The following TTC7B variants were observed in gnomAD, a reference collection of about 807,000 sequenced individuals.
The protein encoded by TTC7B is tetratricopeptide repeat domain 7B, also known as tetratricopeptide repeat protein 7B.
A neutral mutation model predicts 106.8 loss-of-function variants in TTC7B; 28 were observed. That is an observed-to-expected ratio of 0.26 (90% confidence interval 0.19 to 0.36). The LOEUF is 0.36. TTC7B is among the 10% of genes least tolerant of loss of function. TTC7B has a pLI of 1.00. For missense variants in TTC7B, 862 were observed against 1,076.4 expected, an observed-to-expected ratio of 0.80 and a Z score of 2.79; for synonymous variants, 405 against 430.6, an observed-to-expected ratio of 0.94 and a Z score of 0.74.
At chr14:90,661,449 A>G (rs1173402689) in intron 9 of TTC7B, among the ~76,000 whole-genome samples, 1 of 152,118 alleles carries the variant, frequency 6.6e-6, no homozygotes, top group Admixed American at 6.5e-5. Flanking sequence ...TCTGGGAGGC[A>G]TGGGCTGGGA....
chr14:90,787,698 T>C (rs11629223), intron 1 of TTC7B, among the ~76,000 whole-genome samples: 98,849 of 152,106 alleles, frequency 0.65, 35,770 homozygotes, highest in Non-Finnish European at 0.8. Context: ...TTCTGAGAAG[T>C]TGGCCCAAAA....
At chr14:90,770,869 G>A (rs1414202521) in intron 3 of TTC7B, among the ~76,000 whole-genome samples, 6 of 150,880 alleles carry the variant, frequency 4.0e-5, no homozygotes, top group East Asian at 2.0e-4. Flanking sequence ...GCATGCAGAC[G>A]AAAGAAAATT....
At position 90,816,418 on chromosome 14, in the gene TTC7B, G is replaced by A. The variant is rs1024706051; in HGVS notation, c.-123C>T. ...CCGGCTCCCGGCTCCGCGGCGTAAC[G>A]GGAGCGCCGGCTGGGGAAGGGGCGG... On this transcript the variant is annotated 5_prime_UTR_variant, in exon 1 of 20. Transcript: ENST00000328459. The A allele has an allele frequency of 8.3e-5, 37 of 445,486 alleles. No individual in the cohort carries two copies. Among genetic ancestry groups the A allele is most frequent in the African/African-American group, 6.8e-4 (31 of 45,744 alleles). The allele number at this position is 445,486 out of a possible 1,614,324, so 27.6% of individuals were successfully genotyped here.
intron 15 of TTC7B, among the ~76,000 whole-genome samples, chr14:90,625,136 T>C (rs1884383409): frequency 6.6e-6 from 1 of 152,134 alleles, no homozygotes; most frequent in African/African-American, 2.4e-5. Flanking sequence ...AGGGGGCAAG[T>C]ATGTTGAAAT....
intron 6 of TTC7B, among the ~76,000 whole-genome samples, chr14:90,690,436 T>C (rs1056507836): frequency 2.6e-4 from 39 of 152,230 alleles, no homozygotes; most frequent in African/African-American, 9.4e-4. Flanking sequence ...CAGATTAATA[T>C]GCTTCCCAAA....
In TTC7B at chr14:90,533,569, A is replaced by G. The variant is rs1202437639; in HGVS notation, c.*7799T>C. ...CTGTTAATATCCCCAAAAGCCCGTA[A>G]GGGAAGTTACTCCCCGACCATAGAG... On this transcript the variant is annotated 3_prime_UTR_variant, in exon 20 of 20. Transcript: ENST00000328459. The G allele has an allele frequency of 1.3e-5, 2 of 152,286 alleles. No individual in the cohort carries two copies. The highest frequency in any genetic ancestry group is 2.9e-5 in the Non-Finnish European group (2 of 68,114). 9.4% of individuals were successfully genotyped at this position (152,286 alleles called of 1,614,324 possible).
chr14:90,607,296 T>G (rs1212885432), intron 17 of TTC7B, among the ~76,000 whole-genome samples: 1 of 152,174 alleles, frequency 6.6e-6, no homozygotes, highest in African/African-American at 2.4e-5. Context: ...GTTGGCAGGA[T>G]CTCGAAAGTG....
chr14:90,705,079 C>A (rs1433948231), intron 5 of TTC7B, among the ~76,000 whole-genome samples: 1 of 152,194 alleles, frequency 6.6e-6, no homozygotes, highest in Admixed American at 6.5e-5. Context: ...AAACCACTGA[C>A]ATGGTAATTA....
chr14:90,671,371 T>C (rs1205715805), intron 9 of TTC7B, among the ~76,000 whole-genome samples: 1 of 152,108 alleles, frequency 6.6e-6, no homozygotes, highest in African/African-American at 2.4e-5. Flanking sequence ...AAGATAAAAA[T>C]ACCATTCCTG....
Position 90,575,501 on chromosome 14 carries a change from G to C in TTC7B, c.2310+2605C>G, listed in dbSNP as rs1410120748. On this transcript the variant is annotated intron_variant, in intron 19 of 19. Transcript: ENST00000328459. This position sits in a 1 kb window ranked among gnomAD's most constrained non-coding sequence, Gnocchi z 5.2. ...TAGCTTGTAGGGAAGAGGACAGAGA[G>C]GGAGTGTGATGTCTCAGGGCTGAAG... 1.3e-5 allele frequency among the ~76,000 whole-genome samples: 2 copies of C among 152,204 alleles called. No homozygotes were observed. The highest frequency in any genetic ancestry group is 6.5e-5 in the Admixed American group (1 of 15,292).
At chr14:90,656,967 C>G (rs1023067004) in intron 11 of TTC7B, among the ~76,000 whole-genome samples, 2 of 152,130 alleles carry the variant, frequency 1.3e-5, no homozygotes, top group African/African-American at 4.8e-5. Flanking sequence ...CCCTGGAGTA[C>G]CCCAGAGTAC....
chr14:90,563,608 AT>A (rs1440112089), intron 19 of TTC7B, among the ~76,000 whole-genome samples: 3 of 152,178 alleles, frequency 2.0e-5, no homozygotes, highest in African/African-American at 7.2e-5. Context: ...AGTGGGTACA[AT>A]AAGACTCACT....
At chr14:90,544,214 A>C (rs1354668157) in intron 19 of TTC7B, among the ~76,000 whole-genome samples, 1 of 152,224 alleles carries the variant, frequency 6.6e-6, no homozygotes, top group Non-Finnish European at 1.5e-5. Flanking sequence ...CCCGTCTGGG[A>C]ACAGCAGGCT....
In TTC7B at chr14:90,735,285, T is replaced by A. The variant is rs185305083; in HGVS notation, c.577-5089A>T. Among the ~76,000 whole-genome samples the A allele has an allele frequency of 1.4e-3, 220 of 151,916 alleles. 1 individual carries two copies. The highest frequency in any genetic ancestry group is 5.2e-3 in the African/African-American group (215 of 41,392). On this transcript the variant is annotated intron_variant, in intron 4 of 19. Transcript: ENST00000328459. Reference sequence around the variant, plus strand: ...CTTTGAGAGGCCAAGAAAGGTGGAATGCTTGAGACCAGGAGTTTGAGACCA... The same window carrying A: ...CTTTGAGAGGCCAAGAAAGGTGGAAAGCTTGAGACCAGGAGTTTGAGACCA...
intron 13 of TTC7B, among the ~76,000 whole-genome samples, chr14:90,651,355 T>C (rs886210369): frequency 1.2e-4 from 19 of 152,232 alleles, no homozygotes; most frequent in South Asian, 8.3e-4. Context: ...CCATATGAAC[T>C]AATATTTTAA....
intron 3 of TTC7B, chr14:90,767,029 A>T: frequency 7.4e-6 from 1 of 135,528 alleles, no homozygotes; most frequent in East Asian, 1.5e-4. Flanking sequence ...TTTATATACC[A>T]AAAAAAAAAA....
At chr14:90,598,093 T>C (rs1433148234) in intron 17 of TTC7B, among the ~76,000 whole-genome samples, 2 of 152,328 alleles carry the variant, frequency 1.3e-5, no homozygotes, top group Non-Finnish European at 2.9e-5. Flanking sequence ...CCCACAGGAC[T>C]GTGTGCTGCG....
At chr14:90,689,497 C>T (rs762921611) in intron 7 of TTC7B, 43 bp downstream of exon 7, 42 of 1,547,056 alleles carry the variant, frequency 2.7e-5, no homozygotes, top group Non-Finnish European at 3.6e-5. Flanking sequence ...CCAAGTTTTC[C>T]TCCCAACCCA....
intron 1 of TTC7B, among the ~76,000 whole-genome samples, chr14:90,791,858 T>C (rs1161503898): frequency 6.6e-6 from 1 of 150,466 alleles, no homozygotes; most frequent in African/African-American, 2.4e-5. Context: ...TATGTGAGAG[T>C]GAAACATGAA....
Sources: allele counts gnomAD v4.1 joint callset (sites outside exome capture counted in the v4.1 genomes callset), GRCh38; gene constraint gnomAD v4.1.1; non-coding constraint Gnocchi (gnomAD v3.1); transcripts MANE v1.5; gene names NCBI Gene and HGNC (gene_info 2026-07-23, HGNC 2026-07-21).